ANKRD11: variants seen among roughly 807,000 people sequenced by gnomAD.
The protein encoded by ANKRD11 is ankyrin repeat domain 11.
In ANKRD11, 17 loss-of-function variants were observed where a neutral mutation model predicts 195.7. The ratio of observed to expected loss-of-function variants is 0.09; its 90% CI spans 0.06 to 0.13. ANKRD11 has a LOEUF of 0.13. Ranked by LOEUF, ANKRD11 falls within the 10% of genes least tolerant of loss-of-function variation. The pLI, the probability that ANKRD11 is intolerant of heterozygous loss-of-function variation, is 1.00. For missense variants in ANKRD11, 3,735 were observed against 3,566.1 expected (o/e 1.05, Z -1.21); for synonymous variants, 1,953 against 1,528.1 (o/e 1.28, Z -6.49).
chr16:89,307,434 G>C (rs1452719316), intron 3 of ANKRD11, among the ~76,000 whole-genome samples: 1 of 152,178 alleles, frequency 6.6e-6, no homozygotes, highest in Non-Finnish European at 1.5e-5. Context: ...CATGCTGCAA[G>C]CTCAGAGTGC....
At chr16:89,419,861 T>C (rs1031598675) in intron 1 of ANKRD11, among the ~76,000 whole-genome samples, 10 of 152,158 alleles carry the variant, frequency 6.6e-5, no homozygotes, top group Admixed American at 1.3e-4. Flanking sequence ...AAAGCTGCCA[T>C]TAACCTCAAG....
At chr16:89,327,946 A>G (rs569081673) in intron 2 of ANKRD11, among the ~76,000 whole-genome samples, 13 of 152,382 alleles carry the variant, frequency 8.5e-5, no homozygotes, top group Non-Finnish European at 1.8e-4. Context: ...GAGTGAAAAG[A>G]CAAACTGCAG....
intron 3 of ANKRD11, chr16:89,313,445 G>A (rs933082593): frequency 9.3e-6 from 12 of 1,289,064 alleles, no homozygotes; most frequent in Admixed American, 9.2e-5. Context: ...TCTCTGACAC[G>A]CCTGCCACTG....
chr16:89,365,378 C>T (rs1259734149), intron 2 of ANKRD11, among the ~76,000 whole-genome samples: 4 of 152,308 alleles, frequency 2.6e-5, no homozygotes, highest in African/African-American at 9.6e-5. Context: ...GGCTGCAAAG[C>T]ACAGAACACA....
At chr16:89,382,696 T>A (rs1013914618) in intron 2 of ANKRD11, among the ~76,000 whole-genome samples, 2 of 148,550 alleles carry the variant, frequency 1.3e-5, no homozygotes, top group Admixed American at 6.7e-5. Context: ...CCCAGGTTGG[T>A]CTCAAACTCC....
At chr16:89,310,064 T>C (rs1293574626) in intron 3 of ANKRD11, among the ~76,000 whole-genome samples, 1 of 152,230 alleles carries the variant, frequency 6.6e-6, no homozygotes, top group Non-Finnish European at 1.5e-5. Flanking sequence ...AATGGCCACG[T>C]CCAGTTGACA....
intron 1 of ANKRD11, among the ~76,000 whole-genome samples, chr16:89,449,686 G>C (rs974153822): frequency 6.6e-6 from 1 of 152,056 alleles, no homozygotes; most frequent in Non-Finnish European, 1.5e-5. Flanking sequence ...CCAGCTACTC[G>C]GGAGGCTGAG....
chr16:89,274,376 C>A (rs950710732), intron 11 of ANKRD11, among the ~76,000 whole-genome samples: 25 of 152,216 alleles, frequency 1.6e-4, no homozygotes, highest in African/African-American at 5.3e-4. Flanking sequence ...AGTGTCCCTG[C>A]TGTCCCCGTA....
chr16:89,388,523 C>A (rs2911249), intron 2 of ANKRD11, among the ~76,000 whole-genome samples: 7 of 151,880 alleles, frequency 4.6e-5, no homozygotes, highest in South Asian at 2.1e-4. Flanking sequence ...AACGCACACA[C>A]GTCACAAAAA....
At chr16:89,383,601 C>T (rs575793161) in intron 2 of ANKRD11, among the ~76,000 whole-genome samples, 1 of 152,288 alleles carries the variant, frequency 6.6e-6, no homozygotes, top group South Asian at 2.1e-4. Context: ...GAAGAGCCTC[C>T]CATGGTGTCA....
At chr16:89,390,788 T>A (rs936253588) in intron 2 of ANKRD11, among the ~76,000 whole-genome samples, 1 of 152,138 alleles carries the variant, frequency 6.6e-6, no homozygotes, top group Non-Finnish European at 1.5e-5. Context: ...GTTGTCTAAC[T>A]CTGGGGAGGA....
intron 1 of ANKRD11, among the ~76,000 whole-genome samples, chr16:89,428,329 T>G (rs112135564): frequency 0.012 from 1,852 of 150,678 alleles, 41 homozygotes; most frequent in African/African-American, 0.041. Context: ...ATCGAGACCA[T>G]CCTGGCCAAC....
Position 89,285,865 on chromosome 16 carries a change from C to T in ANKRD11, c.892+174G>A, listed in dbSNP as rs2034609514. 6.6e-6 allele frequency among the ~76,000 whole-genome samples: 1 copy of T among 152,264 alleles called. No homozygotes were observed. Among genetic ancestry groups the T allele is most frequent in the South Asian group, 2.1e-4 (1 of 4,838 alleles). On this transcript the variant is annotated intron_variant, in intron 8 of 12. Coordinates refer to ENST00000301030, the MANE Select transcript of ANKRD11 (RefSeq NM_013275.6). This position sits in a 1 kb window ranked among gnomAD's most constrained non-coding sequence, Gnocchi z 5.6. ...GGCTGGCATCTTAGAATGAAGACTG[C>T]AGGCTTCTCGGCAGTGACACACCTG...
rs377327379 is a variant in ANKRD11, at chr16:89,304,407, CAT to C, written c.226+797_226+798del. On this transcript the variant is annotated intron_variant, in intron 4 of 12. Coordinates refer to ENST00000301030, the MANE Select transcript of ANKRD11 (RefSeq NM_013275.6). ...GCAAACGCACACATGGGCATACACA[CAT>C]GAGCGCACATATATACAGGCACACA... 7.1e-3 allele frequency among the ~76,000 whole-genome samples: 1,071 copies of C among 151,626 alleles called. 19 individuals carry two copies. The highest frequency in any genetic ancestry group is 0.025 in the African/African-American group (1,038 of 41,272).
intron 9 of ANKRD11, chr16:89,278,843 GC>G: frequency 1.4e-6 from 1 of 740,612 alleles, no homozygotes; most frequent in South Asian, 1.5e-5. Flanking sequence ...GGAGACCGAG[GC>G]CTGGCACGGA....
chr16:89,280,913 G>C lies in ANKRD11; in HGVS notation c.5629C>G (p.Pro1877Ala), dbSNP rs142527333. The C allele has an allele frequency of 1.9e-6, 3 of 1,599,050 alleles. No individual in the cohort carries two copies. Among genetic ancestry groups the C allele is most frequent in the Non-Finnish European group, 2.6e-6 (3 of 1,169,646 alleles). The change falls in exon 9 of 13, where the codon CCG becomes GCG. Residue 1877 changes from proline to alanine, a missense_variant. By Grantham distance (27) the Pro-to-Ala change is conservative. Transcript: ENST00000301030. ...CPPAAVVTVTPSPEGVFSSLQ... is the reference protein window; with the variant it reads ...CPPAAVVTVTASPEGVFSSLQ... Reference sequence around the variant, plus strand: ...CTTGAGAAGACGCCCTCTGGAGACGGGGTGACAGTGACAACGGCAGCCGGT... The same window carrying C: ...CTTGAGAAGACGCCCTCTGGAGACGCGGTGACAGTGACAACGGCAGCCGGT...
chr16:89,324,952 C>G lies in ANKRD11; in HGVS notation c.-59-7874G>C, dbSNP rs139291812. On this transcript the variant is annotated intron_variant, in intron 2 of 12. Coordinates refer to ENST00000301030, the MANE Select transcript of ANKRD11 (RefSeq NM_013275.6). The stretch of plus-strand genomic sequence containing the variant: ...TATTAGTGCTGTCCCTCTAGAGAAC[C>G]CTGACTCGTACACACAAGTACTGGT... 822 of 179,548 alleles carry G rather than the reference C, an allele frequency of 4.6e-3. 8 individuals carry two copies. Among genetic ancestry groups the G allele is most frequent in the African/African-American group, 0.018 (767 of 41,794 alleles). 11.1% of individuals were successfully genotyped at this position (179,548 alleles called of 1,614,324 possible). A position where few individuals can be genotyped will look rare whatever the true frequency, so the allele number is the denominator to read the frequency against.
intron 1 of ANKRD11, among the ~76,000 whole-genome samples, chr16:89,476,830 G>C (rs994449769): frequency 8.7e-6 from 1 of 114,748 alleles, no homozygotes; most frequent in East Asian, 3.4e-4. Flanking sequence ...AGCTGGGGTG[G>C]AGAGGTGTGG....
At chr16:89,487,911 C>T (rs1597571461) in intron 1 of ANKRD11, among the ~76,000 whole-genome samples, 1 of 152,118 alleles carries the variant, frequency 6.6e-6, no homozygotes, top group African/African-American at 2.4e-5. Context: ...TTACCGCTAA[C>T]ATGGCAGCCG....
Sources: gnomAD v4.1 joint callset for allele counts (sites outside exome capture counted in the v4.1 genomes callset) on GRCh38, gnomAD v4.1.1 for gene constraint, Gnocchi (gnomAD v3.1) non-coding constraint, MANE v1.5 for transcripts, NCBI Gene and HGNC (gene_info 2026-07-23, HGNC 2026-07-21) for gene names.